KLHL14: variants seen among roughly 807,000 people sequenced by gnomAD.
The protein encoded by KLHL14 is kelch like family member 14, also known as kelch-like protein 14.
Under a neutral mutation model 64.3 loss-of-function variants are expected in KLHL14, and 22 were observed. The ratio of observed to expected loss-of-function variants is 0.34; its 90% CI spans 0.24 to 0.49. The LOEUF is 0.49. Among genes scored for constraint, KLHL14 ranks in the 20% least tolerant of loss-of-function variants. KLHL14 has a pLI of 0.99. For synonymous variants in KLHL14, 322 were observed against 333.4 expected (o/e 0.97, Z 0.37); for missense variants, 661 against 789.0 (o/e 0.84, Z 1.94).
intron 2 of KLHL14, among the ~76,000 whole-genome samples, chr18:32,745,924 G>T (rs900840699): frequency 3.9e-5 from 6 of 152,156 alleles, no homozygotes; most frequent in African/African-American, 1.4e-4. Context: ...GCTGAAGGGG[G>T]TTTTAATTAT....
chr18:32,734,150 A>G, intron 3 of KLHL14: 1 of 702,864 alleles, frequency 1.4e-6, no homozygotes, highest in South Asian at 1.5e-5. Flanking sequence ...TATGATAGTC[A>G]CATTGTGTTG....
intron 3 of KLHL14, among the ~76,000 whole-genome samples, chr18:32,739,638 C>T (rs1395630355): frequency 7.7e-6 from 1 of 129,328 alleles, no homozygotes; most frequent in Non-Finnish European, 1.6e-5. Context: ...ATTATAAGAA[C>T]TTTGCACACA....
intron 3 of KLHL14, among the ~76,000 whole-genome samples, chr18:32,697,333 C>T (rs545369336): frequency 6.6e-6 from 1 of 152,242 alleles, no homozygotes; most frequent in South Asian, 2.1e-4. Flanking sequence ...CGAAGCTTCC[C>T]TTGTCATATT....
At chr18:32,677,071 A>G in intron 8 of KLHL14, 102 bp downstream of exon 8, 1 of 1,230,490 alleles carries the variant, frequency 8.1e-7, no homozygotes, top group Non-Finnish European at 1.1e-6. Context: ...TAAGTATGAT[A>G]CTCTTAAAAG....
intron 4 of KLHL14, among the ~76,000 whole-genome samples, chr18:32,691,551 G>A (rs1319372043): frequency 6.6e-6 from 1 of 152,100 alleles, no homozygotes; most frequent in African/African-American, 2.4e-5. Flanking sequence ...ACCCCCCAAA[G>A]AAGATGCAAA....
chr18:32,679,417 A>G (rs763271014), intron 7 of KLHL14, among the ~76,000 whole-genome samples: 1 of 152,126 alleles, frequency 6.6e-6, no homozygotes, highest in Non-Finnish European at 1.5e-5. Flanking sequence ...GATTTTAGAG[A>G]TCATAGAGCA....
chr18:32,707,877 G>A (rs976938956), intron 3 of KLHL14, among the ~76,000 whole-genome samples: 1 of 152,154 alleles, frequency 6.6e-6, no homozygotes, highest in African/African-American at 2.4e-5. Context: ...CTATAATCCT[G>A]TTAGTTCTCC....
In KLHL14 at chr18:32,673,598, C is replaced by T. The variant is rs1251174737; in HGVS notation, c.*1059G>A. On this transcript the variant is annotated 3_prime_UTR_variant, in exon 9 of 9. Transcript: ENST00000359358. ...CGATCGTAAGTCAAGTGTCTAGAGG[C>T]ACCCGAAGGTGAGGAAGAGGAGAAG... is the stretch of plus-strand genomic sequence containing the variant. The T allele has an allele frequency of 1.3e-5, 2 of 152,200 alleles. No individual in the cohort carries two copies. Among genetic ancestry groups the T allele is most frequent in the Non-Finnish European group, 2.9e-5 (2 of 68,050 alleles). 9.4% of individuals were successfully genotyped at this position (152,200 alleles called of 1,614,324 possible). A position where few individuals can be genotyped will look rare whatever the true frequency, so the allele number is the denominator to read the frequency against.
chr18:32,744,976 A>T (rs1298000912), intron 2 of KLHL14: 1 of 152,262 alleles, frequency 6.6e-6, no homozygotes, highest in South Asian at 2.1e-4. Flanking sequence ...GAGCAATGAA[A>T]GATTCCACAC....
intron 3 of KLHL14, among the ~76,000 whole-genome samples, chr18:32,699,292 T>A (rs1028954568): frequency 6.6e-6 from 1 of 152,176 alleles, no homozygotes; most frequent in Non-Finnish European, 1.5e-5. Context: ...AATATATAAT[T>A]ATATTGATCT....
At chr18:32,768,959 T>A (rs950784039) in intron 2 of KLHL14, among the ~76,000 whole-genome samples, 1 of 152,158 alleles carries the variant, frequency 6.6e-6, no homozygotes, top group African/African-American at 2.4e-5. Flanking sequence ...ATTCACCCCA[T>A]CACCCTGAAA....
chr18:32,693,538 G>A (rs1440188668), intron 4 of KLHL14, among the ~76,000 whole-genome samples: 1 of 151,972 alleles, frequency 6.6e-6, no homozygotes, highest in Non-Finnish European at 1.5e-5. Flanking sequence ...GCATCCTAGT[G>A]GTTACAGCAA....
chr18:32,728,686 G>C lies in KLHL14; in HGVS notation c.1069+13242C>G, dbSNP rs2050119222. Reference sequence around the variant, plus strand: ...AATGGTAAGGATGTATTTTTGCCTGGTCAAAAAAAGGATGCATTTTTGCCC... The same window carrying C: ...AATGGTAAGGATGTATTTTTGCCTGCTCAAAAAAAGGATGCATTTTTGCCC... On this transcript the variant is annotated intron_variant, in intron 3 of 8. Coordinates refer to ENST00000359358, the MANE Select transcript of KLHL14 (RefSeq NM_020805.3). Among the ~76,000 whole-genome samples the C allele has an allele frequency of 4.6e-5, 7 of 152,044 alleles. No individual in the cohort carries two copies. In the South Asian group the frequency reaches 1.5e-3, roughly 32 times the overall value.
intron 5 of KLHL14, among the ~76,000 whole-genome samples, chr18:32,682,520 G>C (rs1479473811): frequency 3.3e-5 from 5 of 152,118 alleles, no homozygotes; most frequent in Non-Finnish European, 7.4e-5. Context: ...TTGCACATGT[G>C]CATTTTTTGG....
intron 4 of KLHL14, among the ~76,000 whole-genome samples, chr18:32,690,111 C>T (rs528357303): frequency 4.0e-4 from 61 of 151,934 alleles, no homozygotes; most frequent in Admixed American, 1.6e-3. Flanking sequence ...AACAAAAGGG[C>T]GGCAGGTTTA....
intron 5 of KLHL14, among the ~76,000 whole-genome samples, chr18:32,681,734 C>T (rs970202534): frequency 6.6e-6 from 1 of 152,130 alleles, no homozygotes; most frequent in African/African-American, 2.4e-5. Context: ...ATGTCGATTG[C>T]AAGACAAGGA....
At chr18:32,690,367 T>G (rs1352101974) in intron 4 of KLHL14, among the ~76,000 whole-genome samples, 2 of 151,952 alleles carry the variant, frequency 1.3e-5, no homozygotes, top group East Asian at 3.9e-4. Flanking sequence ...ATATAAAGTA[T>G]GTGGGGGAAG....
At chr18:32,733,178 T>C (rs1393378448) in intron 3 of KLHL14, among the ~76,000 whole-genome samples, 1 of 152,194 alleles carries the variant, frequency 6.6e-6, no homozygotes, top group Non-Finnish European at 1.5e-5. Context: ...ATTAAAGGTG[T>C]GACTTTCACA....
intron 3 of KLHL14, chr18:32,733,979 G>A (rs879820325): frequency 5.1e-6 from 3 of 586,828 alleles, no homozygotes; most frequent in Non-Finnish European, 6.1e-6. Flanking sequence ...GGGTCAAGAG[G>A]AGTCTCAAAT....
Sources: gnomAD v4.1 joint callset for allele counts (sites outside exome capture counted in the v4.1 genomes callset) on GRCh38, gnomAD v4.1.1 for gene constraint, MANE v1.5 for transcripts, NCBI Gene and HGNC (gene_info 2026-07-23, HGNC 2026-07-21) for gene names.